Variants in HAUS6 observed in about 807,000 individuals in gnomAD.
HAUS6 encodes HAUS augmin-like complex subunit 6.
In HAUS6, 80 loss-of-function variants were observed where a neutral mutation model predicts 106.8. The ratio of observed to expected loss-of-function variants is 0.75; its 90% confidence interval spans 0.63 to 0.90. The LOEUF (loss-of-function observed/expected upper bound fraction) is 0.90. Among genes scored for constraint, HAUS6 ranks in the 40% least tolerant of loss-of-function variants. The probability of loss-of-function intolerance (pLI) is 0.00; values close to 1 mark genes in which losing one functional copy is unlikely to be tolerated. For missense variants in HAUS6, 1,155 were observed against 1,118.1 expected (o/e 1.03, Z -0.47); for synonymous variants, 356 against 379.1 (o/e 0.94, Z 0.71).
rs568285008 is a variant in HAUS6, at chr9:19,054,873, T to G, written c.*1470A>C. On this transcript the variant is annotated 3_prime_UTR_variant, in exon 17 of 17. Coordinates refer to ENST00000380502, the MANE Select transcript of HAUS6 (RefSeq NM_017645.5). The stretch of plus-strand genomic sequence containing the variant: ...ACTTCTGCAGATGCTGATAAGACAG[T>G]ATCACATGCTAAGTTAAGATTTTCA... 1 of 152,356 alleles carries G rather than the reference T, an allele frequency of 6.6e-6. No individual in the cohort carries two copies. Among genetic ancestry groups the G allele is most frequent in the East Asian group, 1.9e-4 (1 of 5,194 alleles). The allele number at this position is 152,356 out of a possible 1,614,324, so 9.4% of individuals were successfully genotyped here.
At chr9:19,087,306 C>G (rs1424526130) in intron 5 of HAUS6, 150 bp from the exon 6 acceptor site, 1 of 606,434 alleles carries the variant, frequency 1.6e-6, no homozygotes, top group Non-Finnish European at 2.9e-6. Context: ...CTTTATCACA[C>G]AAGTGATTCA....
At position 19,054,242 on chromosome 9, in the gene HAUS6, G is replaced by C. The variant is rs1836422175; in HGVS notation, c.*2101C>G. The C allele has an allele frequency of 6.6e-6, 1 of 152,208 alleles. No homozygotes were observed. The highest frequency in any genetic ancestry group is 1.9e-4 in the East Asian group (1 of 5,196). 9.4% of individuals were successfully genotyped at this position (152,208 alleles called of 1,614,324 possible). A position where few individuals can be genotyped will look rare whatever the true frequency, so the allele number is the denominator to read the frequency against. ...GGAGATTACAGCGGAAGGGGGAGTA[G>C]AGGAAATCCGTTACAGGGGAACTTA... On this transcript the variant is annotated 3_prime_UTR_variant, in exon 17 of 17. Coordinates refer to ENST00000380502, the MANE Select transcript of HAUS6 (RefSeq NM_017645.5).
chr9:19,068,710 CA>C (rs1836820465), intron 12 of HAUS6, among the ~76,000 whole-genome samples: 1 of 134,110 alleles, frequency 7.5e-6, no homozygotes, highest in East Asian at 2.0e-4. Context: ...GGTTAAAAAA[CA>C]ATTAAAAAAA....
At chr9:19,091,725 G>A (rs895232681) in intron 4 of HAUS6, among the ~76,000 whole-genome samples, 5 of 152,188 alleles carry the variant, frequency 3.3e-5, no homozygotes, top group Non-Finnish European at 2.9e-5. Flanking sequence ...GCAGTGGTGC[G>A]ATCTTGGCTC....
chr9:19,089,398 A>C lies in HAUS6; in HGVS notation c.584+14T>G, dbSNP rs1817697579. 1.3e-6 allele frequency: 2 copies of C among 1,542,714 alleles called. No individual in the cohort carries two copies. The highest frequency in any genetic ancestry group is 1.4e-5 in the African/African-American group (1 of 73,480). ...AGAAAGAAATTATTTTCTAACTATC[A>C]AGGTACTACTTACTGTGCATTTTCC... On this transcript the variant is annotated intron_variant, in intron 5 of 16. Transcript: ENST00000380502.
At chr9:19,089,099 T>G (rs1265049664) in intron 5 of HAUS6, among the ~76,000 whole-genome samples, 1 of 151,826 alleles carries the variant, frequency 6.6e-6, no homozygotes, top group Non-Finnish European at 1.5e-5. Context: ...AAAAATTAGC[T>G]GGGCATGGTG....
In HAUS6 at chr9:19,055,252, T is replaced by C. The variant is rs997670999; in HGVS notation, c.*1091A>G. 2 of 152,214 alleles carry C rather than the reference T, an allele frequency of 1.3e-5. No individual in the cohort carries two copies. The highest frequency in any genetic ancestry group is 2.9e-5 in the Non-Finnish European group (2 of 68,024). The allele number at this position is 152,214 out of a possible 1,614,324, so 9.4% of individuals were successfully genotyped here. ...AGTGAGATGGGGTCTACAAAGGGTA[T>C]TGTAGGTACTATCACCCTTCCATTG... is the stretch of plus-strand genomic sequence containing the variant. On this transcript the variant is annotated 3_prime_UTR_variant, in exon 17 of 17. Coordinates refer to ENST00000380502, the MANE Select transcript of HAUS6 (RefSeq NM_017645.5).
chr9:19,074,255 C>CA (rs1331158212), intron 11 of HAUS6, among the ~76,000 whole-genome samples: 1 of 151,088 alleles, frequency 6.6e-6, no homozygotes, highest in African/African-American at 2.4e-5. Flanking sequence ...AAAAAAAAAT[C>CA]AAAAAAATTT....
chr9:19,090,151 T>C (rs995326705), intron 4 of HAUS6, among the ~76,000 whole-genome samples: 1 of 152,038 alleles, frequency 6.6e-6, no homozygotes, highest in Non-Finnish European at 1.5e-5. Context: ...CTAATGTTAA[T>C]GAAAGTAAGA....
chr9:19,076,947 A>C (rs1341119281), intron 10 of HAUS6, among the ~76,000 whole-genome samples: 3 of 152,182 alleles, frequency 2.0e-5, no homozygotes, highest in Admixed American at 2.0e-4. Flanking sequence ...GGACTTAAGC[A>C]GTCCTCCCAC....
At chr9:19,092,272 T>C (rs111909375) in intron 4 of HAUS6, among the ~76,000 whole-genome samples, 1 of 147,736 alleles carries the variant, frequency 6.8e-6, no homozygotes, top group African/African-American at 2.5e-5. Context: ...GCCTGGGAAA[T>C]ATGGTGTAAC....
At chr9:19,094,235 G>T in intron 3 of HAUS6, 82 bp downstream of exon 3, 1 of 758,608 alleles carries the variant, frequency 1.3e-6, no homozygotes, top group South Asian at 1.6e-5. Flanking sequence ...GCATTAAAAG[G>T]ATTTCACCTC....
intron 14 of HAUS6, among the ~76,000 whole-genome samples, chr9:19,061,553 A>T (rs958185821): frequency 6.6e-6 from 1 of 151,848 alleles, no homozygotes; most frequent in Admixed American, 6.6e-5. Context: ...ACTGACATCC[A>T]GTCAGGCATG....
At chr9:19,099,189 C>T (rs1335280180) in intron 1 of HAUS6, among the ~76,000 whole-genome samples, 4 of 145,436 alleles carry the variant, frequency 2.8e-5, no homozygotes, top group East Asian at 2.1e-4. Flanking sequence ...TTTTTTGAGA[C>T]GGAGTCTCGC....
Position 19,060,213 on chromosome 9 carries a change from G to C in HAUS6, c.1640C>G (p.Ala547Gly), listed in dbSNP as rs1297480394. The C allele has an allele frequency of 6.5e-7, 1 of 1,548,586 alleles. No individual in the cohort carries two copies. The highest frequency in any genetic ancestry group is 1.4e-5 in the African/African-American group (1 of 71,764). Residue 547 changes from alanine (A) to glycine (G), a missense_variant, in exon 15 of 17, where the codon GCA (alanine) becomes GGA (glycine). Around this residue, in one of 3 missense-constraint regions of HAUS6, gnomAD observed 761 missense variants for 690.0 expected, o/e 1.10. Transcript: ENST00000380502. ...QDHLVEEVARAVLSDSPQLSE... is the reference protein window; with the variant it reads ...QDHLVEEVARGVLSDSPQLSE... Reference sequence around the variant, plus strand: ...GAGCTGTGGTGAATCAGATAAAACTGCTCTGGCAACCTAAAACAGAAAAGA... The same window carrying C: ...GAGCTGTGGTGAATCAGATAAAACTCCTCTGGCAACCTAAAACAGAAAAGA...
chr9:19,093,363 C>T (rs1817795899), intron 3 of HAUS6, 60 bp from the exon 4 acceptor site: 3 of 1,387,878 alleles, frequency 2.2e-6, no homozygotes, highest in Non-Finnish European at 1.0e-6. Context: ...CTTACATTTA[C>T]ATCACACTAT....
At position 19,093,262 on chromosome 9, in the gene HAUS6, T is replaced by C. The variant is rs866272127; in HGVS notation, c.345A>G (p.Leu115=). The change falls in exon 4 of 17, where the codon CTA becomes CTG. Residue 115 remains leucine, a synonymous_variant. Transcript: ENST00000380502. ...GSSFPQVVGS[L]FLSPGGPKFI... ...ACTTAGGACCACCAGGAGAAAGAAATAGTGAACCAACAACTTGAGGAAAGC... is the reference window on the plus strand; with the variant it reads ...ACTTAGGACCACCAGGAGAAAGAAACAGTGAACCAACAACTTGAGGAAAGC... The C allele has an allele frequency of 1.4e-5, 23 of 1,609,812 alleles. No homozygotes were observed. Among genetic ancestry groups the C allele is most frequent in the African/African-American group, 2.7e-5 (2 of 74,656 alleles).
chr9:19,060,314 A>T (rs1836579811), intron 14 of HAUS6, 91 bp from the exon 15 acceptor site: 2 of 996,880 alleles, frequency 2.0e-6, no homozygotes, highest in Middle Eastern at 3.3e-4. Context: ...AGCACTTCAC[A>T]GTCAGCAGCC....
intron 4 of HAUS6, among the ~76,000 whole-genome samples, chr9:19,090,512 C>T (rs1385350290): frequency 1.3e-5 from 2 of 152,074 alleles, no homozygotes; most frequent in Non-Finnish European, 2.9e-5. Context: ...CTACAGGTGC[C>T]CGCCACCACG....
Sources: allele counts gnomAD v4.1 joint callset (sites outside exome capture counted in the v4.1 genomes callset), GRCh38; gene constraint gnomAD v4.1.1; regional missense constraint gnomAD v4.1.1; transcripts MANE v1.5; gene names NCBI Gene and HGNC (gene_info 2026-07-23, HGNC 2026-07-21).